The following KIRREL3 variants were observed in gnomAD, a reference collection of about 807,000 sequenced individuals.
KIRREL3 encodes kin of IRRE-like protein 3.
In KIRREL3, 36 loss-of-function variants were observed where a neutral mutation model predicts 89.7. The observed-to-expected ratio is 0.40, with a 90% CI of 0.31 to 0.53. KIRREL3 has a LOEUF of 0.53. KIRREL3 is among the 20% of genes least tolerant of loss of function. KIRREL3 has a pLI of 0.49. For synonymous variants in KIRREL3, 445 were observed against 441.4 expected, an observed-to-expected ratio of 1.01 and a Z score of -0.10; for missense variants, 864 against 1,056.6, an observed-to-expected ratio of 0.82 and a Z score of 2.53.
At chr11:126,510,292 C>A (rs1416343288) in intron 4 of KIRREL3, among the ~76,000 whole-genome samples, 1 of 152,114 alleles carries the variant, frequency 6.6e-6, no homozygotes, top group African/African-American at 2.4e-5. Flanking sequence ...AATCTATTTC[C>A]TTCCTATAGA....
chr11:126,479,622 T>G (rs1008396283), intron 4 of KIRREL3, among the ~76,000 whole-genome samples: 6 of 152,176 alleles, frequency 3.9e-5, no homozygotes, highest in Non-Finnish European at 8.8e-5. Context: ...GTAGAAATCA[T>G]GACAAACTGA....
chr11:126,823,010 CT>C (rs1943280342), intron 1 of KIRREL3, among the ~76,000 whole-genome samples: 1 of 152,168 alleles, frequency 6.6e-6, no homozygotes, highest in South Asian at 2.1e-4. Context: ...TTGTGAGTAT[CT>C]CCAATCCACC....
rs112773206 is a variant in KIRREL3 at position 126,703,959 on chromosome 11, T to G, written c.56-141047A>C. Among the ~76,000 whole-genome samples the G allele has an allele frequency of 1.3e-5, 2 of 152,140 alleles. No individual in the cohort carries two copies. The highest frequency in any genetic ancestry group is 4.8e-5 in the African/African-American group (2 of 41,436). Reference sequence around the variant, plus strand: ...CACAGAAAGGAAGAAGAAATGGAATTTCTGTCAGATTGCTTGAACTCACTC... The same window carrying G: ...CACAGAAAGGAAGAAGAAATGGAATGTCTGTCAGATTGCTTGAACTCACTC... On this transcript the variant is annotated intron_variant, in intron 1 of 16. Transcript: ENST00000525144. The surrounding 1 kb of genome is among the most constrained non-coding windows in gnomAD (Gnocchi z 4.6).
intron 6 of KIRREL3, among the ~76,000 whole-genome samples, chr11:126,461,221 C>A (rs1001500284): frequency 1.3e-5 from 2 of 152,246 alleles, no homozygotes; most frequent in African/African-American, 4.8e-5. Context: ...CATGGCTTTG[C>A]GGCATCTCAC....
In KIRREL3 at chr11:126,863,497, GAGTGTGAGTGCGTGTGTGTT is replaced by G. The variant is rs1159743756; in HGVS notation, c.55+136938_55+136957del. Reference sequence around the variant, plus strand: ...TGAGTGCGTGTGTGAGTGCGTGTGTGAGTGTGAGTGCGTGTGTGTTTGAGTGCGTGTGTGAGTGCGTGTGA... The same window carrying G: ...TGAGTGCGTGTGTGAGTGCGTGTGTGTGAGTGCGTGTGTGAGTGCGTGTGA... On this transcript the variant is annotated intron_variant, in intron 1 of 16. Coordinates refer to ENST00000525144, the MANE Select transcript of KIRREL3 (RefSeq NM_032531.4). 3.6e-3 allele frequency among the ~76,000 whole-genome samples: 23 copies of G among 6,354 alleles called. No individual in the cohort carries two copies. The East Asian group carries it at 0.26, about 72-fold the overall frequency. 4.2% of individuals were successfully genotyped at this position (6,354 alleles called of 152,430 possible). A position where few individuals can be genotyped will look rare whatever the true frequency, so the allele number is the denominator to read the frequency against.
rs1165135440 is a variant in KIRREL3 at position 126,946,071 on chromosome 11, T to C, written c.55+54384A>G. ...GAGACTGAGCTGGGTGTTTTAGAAA[T>C]TCAGGTAGTCACAAATCCTGACCAG... On this transcript the variant is annotated intron_variant, in intron 1 of 16. Transcript: ENST00000525144. This position sits in a 1 kb window ranked among gnomAD's most constrained non-coding sequence, Gnocchi z 4.1. 6.6e-6 allele frequency among the ~76,000 whole-genome samples: 1 copy of C among 152,148 alleles called. No individual in the cohort carries two copies. Among genetic ancestry groups the C allele is most frequent in the Admixed American group, 6.5e-5 (1 of 15,282 alleles).
intron 1 of KIRREL3, among the ~76,000 whole-genome samples, chr11:126,884,616 C>T (rs928865320): frequency 6.6e-6 from 1 of 152,200 alleles, no homozygotes; most frequent in African/African-American, 2.4e-5. Context: ...GACAACATAG[C>T]ACGCCACGGG....
At chr11:126,445,158 T>G in intron 9 of KIRREL3, 53 bp from the exon 10 acceptor site, 1 of 1,600,460 alleles carries the variant, frequency 6.2e-7, no homozygotes, top group Non-Finnish European at 8.5e-7. Flanking sequence ...GGTGCACTCT[T>G]GTCTCTGGGA....
At chr11:126,884,256 C>T (rs910987880) in intron 1 of KIRREL3, among the ~76,000 whole-genome samples, 7 of 152,154 alleles carry the variant, frequency 4.6e-5, no homozygotes, top group Non-Finnish European at 1.0e-4. Context: ...TAAACAATCC[C>T]TCCAGATGAC....
At position 126,668,839 on chromosome 11, in the gene KIRREL3, C is replaced by G. The variant is rs1043998669; in HGVS notation, c.56-105927G>C. Reference sequence around the variant, plus strand: ...TAATAATGTTTGGCTCCATTTTAAACCCCTGGCTCTGAGTGTGCTGCTAAG... The same window carrying G: ...TAATAATGTTTGGCTCCATTTTAAAGCCCTGGCTCTGAGTGTGCTGCTAAG... On this transcript the variant is annotated intron_variant, in intron 1 of 16. Transcript: ENST00000525144. This position sits in a 1 kb window ranked among gnomAD's most constrained non-coding sequence, Gnocchi z 4.4. Among the ~76,000 whole-genome samples, 1 of 151,608 alleles carries G rather than the reference C, an allele frequency of 6.6e-6. No homozygotes were observed. The highest frequency in any genetic ancestry group is 2.4e-5 in the African/African-American group (1 of 41,212).
chr11:126,998,564 G>A (rs1310073841), intron 1 of KIRREL3, among the ~76,000 whole-genome samples: 1 of 152,126 alleles, frequency 6.6e-6, no homozygotes, highest in East Asian at 1.9e-4. Flanking sequence ...TCAGGACTCG[G>A]GGTAGATAAA....
chr11:126,984,275 A>G (rs147293000), intron 1 of KIRREL3, among the ~76,000 whole-genome samples: 5 of 152,344 alleles, frequency 3.3e-5, no homozygotes, highest in African/African-American at 1.2e-4. Flanking sequence ...AGGAGGAGAA[A>G]AAGGCTCCTT....
At chr11:126,450,663 G>C (rs1956036638) in intron 7 of KIRREL3, among the ~76,000 whole-genome samples, 1 of 147,264 alleles carries the variant, frequency 6.8e-6, no homozygotes, top group Non-Finnish European at 1.5e-5. Context: ...GTGCATGAGT[G>C]TGTGTGTGTC....
At chr11:126,488,090 A>C (rs1957415513) in intron 4 of KIRREL3, among the ~76,000 whole-genome samples, 1 of 152,266 alleles carries the variant, frequency 6.6e-6, no homozygotes, top group Non-Finnish European at 1.5e-5. Flanking sequence ...CTTATTCAGA[A>C]TAAGAAGAGC....
chr11:126,920,902 C>T (rs1044093796), intron 1 of KIRREL3, among the ~76,000 whole-genome samples: 2 of 152,154 alleles, frequency 1.3e-5, no homozygotes, highest in Admixed American at 6.5e-5. Flanking sequence ...GATTGGCCCC[C>T]GTGATGGTTA....
intron 1 of KIRREL3, among the ~76,000 whole-genome samples, chr11:126,974,813 C>T (rs1354177926): frequency 6.6e-6 from 1 of 152,170 alleles, no homozygotes; most frequent in Non-Finnish European, 1.5e-5. Context: ...TCAAGTCTTC[C>T]TCCCACCTCA....
intron 2 of KIRREL3, among the ~76,000 whole-genome samples, chr11:126,552,550 G>GTTTTTGTTTTT (rs1939351379): frequency 1.2e-5 from 1 of 81,752 alleles, no homozygotes; most frequent in African/African-American, 4.3e-5. Flanking sequence ...AGAGAGAAAA[G>GTTTTTGTTTTT]TTTTTTTTTT....
At chr11:126,984,160 C>G (rs1019421670) in intron 1 of KIRREL3, among the ~76,000 whole-genome samples, 4 of 152,140 alleles carry the variant, frequency 2.6e-5, no homozygotes, top group Admixed American at 1.3e-4. Flanking sequence ...GACACTGACC[C>G]AGAGGAAGGC....
rs548499898 is a variant in KIRREL3 at position 126,455,074 on chromosome 11, A to C, written c.848+1275T>G. The stretch of plus-strand genomic sequence containing the variant: ...CTTGTCTTCCCTGTTCTCCATTCCC[A>C]CAGGCCGGCTTATTTCCTAGGCTGG... On this transcript the variant is annotated intron_variant, in intron 7 of 16. Coordinates refer to ENST00000525144, the MANE Select transcript of KIRREL3 (RefSeq NM_032531.4). This position sits in a 1 kb window ranked among gnomAD's most constrained non-coding sequence, Gnocchi z 6.4. Among the ~76,000 whole-genome samples, 137 of 152,042 alleles carry C rather than the reference A, an allele frequency of 9.0e-4. 3 individuals carry two copies. The highest frequency in any genetic ancestry group is 3.2e-3 in the African/African-American group (131 of 41,444).
Sources: allele counts gnomAD v4.1 joint callset (sites outside exome capture counted in the v4.1 genomes callset), GRCh38; gene constraint gnomAD v4.1.1; non-coding constraint Gnocchi (gnomAD v3.1); transcripts MANE v1.5; gene names NCBI Gene and HGNC (gene_info 2026-07-23, HGNC 2026-07-21).